CERS6: variants seen among roughly 807,000 people sequenced by gnomAD.
CERS6 encodes the protein LAG1 homolog, ceramide synthase 6.
Under a neutral mutation model 56.8 loss-of-function variants are expected in CERS6, and 26 were observed. The observed-to-expected ratio is 0.46, with a 90% CI of 0.34 to 0.63. The LOEUF is 0.63. Among genes scored for constraint, CERS6 ranks in the 30% least tolerant of loss-of-function variants. The pLI is 0.01. For missense variants in CERS6, 415 were observed against 467.5 expected (o/e 0.89, Z 1.04); for synonymous variants, 164 against 173.3 (o/e 0.95, Z 0.42).
At chr2:168,734,773 CTCTA>C (rs1411043765) in intron 8 of CERS6, among the ~76,000 whole-genome samples, 2 of 152,294 alleles carry the variant, frequency 1.3e-5, no homozygotes, top group East Asian at 3.9e-4. Flanking sequence ...ATATTTAGTG[CTCTA>C]TCTATATGCA....
chr2:168,686,758 T>A (rs532488985), intron 4 of CERS6, among the ~76,000 whole-genome samples: 1 of 152,172 alleles, frequency 6.6e-6, no homozygotes, highest in Non-Finnish European at 1.5e-5. Context: ...TTTCTCTACT[T>A]ATCAGCTGTG....
At chr2:168,501,850 T>C (rs577435745) in intron 1 of CERS6, among the ~76,000 whole-genome samples, 1 of 152,284 alleles carries the variant, frequency 6.6e-6, no homozygotes, top group East Asian at 1.9e-4. Context: ...ACACACCAGA[T>C]AGGAATGATT....
chr2:168,607,231 C>T (rs1332780149), intron 3 of CERS6, among the ~76,000 whole-genome samples: 1 of 152,068 alleles, frequency 6.6e-6, no homozygotes, highest in Admixed American at 6.5e-5. Context: ...TGTTTACTAA[C>T]TGGCCTTCTA....
At chr2:168,650,709 A>G (rs1559036490) in intron 4 of CERS6, among the ~76,000 whole-genome samples, 1 of 151,760 alleles carries the variant, frequency 6.6e-6, no homozygotes, top group Non-Finnish European at 1.5e-5. Flanking sequence ...GAAGTCCACT[A>G]GATCTGCGCT....
chr2:168,718,113 C>A, intron 8 of CERS6, 135 bp downstream of exon 8: 1 of 616,050 alleles, frequency 1.6e-6, no homozygotes, highest in Non-Finnish European at 2.8e-6. Context: ...CCTCAAGAAG[C>A]TGCTTGATTT....
chr2:168,703,299 G>A (rs1686849147), intron 6 of CERS6, among the ~76,000 whole-genome samples: 1 of 152,204 alleles, frequency 6.6e-6, no homozygotes, highest in East Asian at 1.9e-4. Context: ...GCTCATGCCT[G>A]TAATCCCAGC....
At chr2:168,661,653 C>T (rs1685631413) in intron 4 of CERS6, among the ~76,000 whole-genome samples, 2 of 152,226 alleles carry the variant, frequency 1.3e-5, no homozygotes, top group African/African-American at 4.8e-5. Context: ...GTCTTTCTCT[C>T]ATGCATTCAG....
intron 3 of CERS6, among the ~76,000 whole-genome samples, chr2:168,601,816 C>T (rs1683940210): frequency 6.6e-6 from 1 of 152,170 alleles, no homozygotes; most frequent in South Asian, 2.1e-4. Context: ...TCCCATAGTG[C>T]TGAGATTACA....
At chr2:168,676,157 G>A (rs1261523394) in intron 4 of CERS6, among the ~76,000 whole-genome samples, 1 of 152,214 alleles carries the variant, frequency 6.6e-6, no homozygotes. Context: ...ATGTAGTTGG[G>A]AAAGGTAGAT....
intron 6 of CERS6, among the ~76,000 whole-genome samples, chr2:168,714,287 TAGACCATAGCACCACCTTA>T (rs1687172486): frequency 6.6e-6 from 1 of 152,242 alleles, no homozygotes; most frequent in Non-Finnish European, 1.5e-5. Flanking sequence ...CACAAATATT[TAGACCATAGCACCACCTTA>T]AACCTTGCTA....
chr2:168,510,901 A>G (rs1474562283), intron 1 of CERS6, among the ~76,000 whole-genome samples: 2 of 152,232 alleles, frequency 1.3e-5, no homozygotes, highest in Non-Finnish European at 2.9e-5. Flanking sequence ...ATAACCTTAG[A>G]TGAGAAGATT....
chr2:168,488,039 G>A (rs939963478), intron 1 of CERS6, among the ~76,000 whole-genome samples: 1 of 152,162 alleles, frequency 6.6e-6, no homozygotes, highest in Non-Finnish European at 1.5e-5. Flanking sequence ...TGTTAGTGAG[G>A]ATGCCATGCC....
chr2:168,630,986 T>A lies in CERS6; in HGVS notation c.409T>A (p.Trp137Arg). 6.7e-7 allele frequency: 1 copy of A among 1,490,192 alleles called. No individual in the cohort carries two copies. Among genetic ancestry groups the A allele is most frequent in the Non-Finnish European group, 9.2e-7 (1 of 1,087,574 alleles). The allele number at this position is 1,490,192 out of a possible 1,614,324, so 92.3% of individuals were successfully genotyped here. A position where few individuals can be genotyped will look rare whatever the true frequency, so the allele number is the denominator to read the frequency against. Residue 137 changes from tryptophan to arginine, a missense_variant and splice_region_variant, in exon 4 of 10, where the codon TGG becomes AGG. Trp to Arg is a moderately radical substitution (Grantham distance 101). Transcript: ENST00000305747. ...STLTRFCESM[W>R]RFSFYLYVFT... ...AGATTTTTTTTTAACCTTCTACAGG[T>A]GGAGATTTTCATTTTACCTTTATGT... is the stretch of plus-strand genomic sequence containing the variant.
chr2:168,717,737 G>A (rs1031890632), intron 7 of CERS6, 135 bp from the exon 8 acceptor site: 2 of 591,850 alleles, frequency 3.4e-6, no homozygotes, highest in African/African-American at 3.8e-5. Context: ...TTCAATCGCA[G>A]GCTGAAATGC....
intron 1 of CERS6, among the ~76,000 whole-genome samples, chr2:168,520,763 A>G (rs1029956108): frequency 6.6e-6 from 1 of 151,052 alleles, no homozygotes; most frequent in South Asian, 2.1e-4. Context: ...GCACGCACCA[A>G]CACACCCAGC....
At chr2:168,687,478 T>A (rs1433364935) in intron 4 of CERS6, among the ~76,000 whole-genome samples, 1 of 152,152 alleles carries the variant, frequency 6.6e-6, no homozygotes, top group Non-Finnish European at 1.5e-5. Flanking sequence ...AGCCCAGACC[T>A]CAGCCTGCAT....
intron 1 of CERS6, among the ~76,000 whole-genome samples, chr2:168,526,523 C>T (rs1204760895): frequency 2.0e-5 from 3 of 152,224 alleles, no homozygotes; most frequent in Admixed American, 1.3e-4. Flanking sequence ...AGGCACTTCA[C>T]ACCAGTGTAT....
intron 1 of CERS6, among the ~76,000 whole-genome samples, chr2:168,515,796 A>C (rs1694874571): frequency 6.6e-6 from 1 of 152,158 alleles, no homozygotes; most frequent in South Asian, 2.1e-4. Flanking sequence ...GTAACGAGGC[A>C]ATTTTGTTGG....
intron 4 of CERS6, among the ~76,000 whole-genome samples, chr2:168,651,379 C>T (rs1685336406): frequency 6.6e-6 from 1 of 152,022 alleles, no homozygotes; most frequent in African/African-American, 2.4e-5. Flanking sequence ...GCCTTTGGGA[C>T]AATTATATTA....
Sources: gnomAD v4.1 joint callset for allele counts (sites outside exome capture counted in the v4.1 genomes callset) on GRCh38, gnomAD v4.1.1 for gene constraint, MANE v1.5 for transcripts, NCBI Gene and HGNC (gene_info 2026-07-23, HGNC 2026-07-21) for gene names.